ENAH: variants seen among roughly 807,000 people sequenced by gnomAD.
The protein encoded by ENAH is ENAH actin regulator.
In ENAH, 23 loss-of-function variants were observed where a neutral mutation model predicts 78.7. The ratio of observed to expected loss-of-function variants is 0.29; its 90% CI spans 0.21 to 0.41. ENAH has a LOEUF of 0.41. Ranked by LOEUF, ENAH falls within the 10% of genes least tolerant of loss-of-function variation. The probability of loss-of-function intolerance (pLI) is 1.00; values close to 1 mark genes in which losing one functional copy is unlikely to be tolerated. For missense variants in ENAH, 544 were observed against 691.0 expected, an observed-to-expected ratio of 0.79 and a Z score of 2.39; for synonymous variants, 226 against 241.0, an observed-to-expected ratio of 0.94 and a Z score of 0.58.
In ENAH at chr1:225,493,073, ATTTTAC is replaced by A. The variant is rs1341883932; in HGVS notation, c.*4696_*4701del. The A allele has an allele frequency of 6.6e-6, 1 of 152,106 alleles. No homozygotes were observed. The highest frequency in any genetic ancestry group is 1.5e-5 in the Non-Finnish European group (1 of 68,030). The allele number at this position is 152,106 out of a possible 1,614,324, so 9.4% of individuals were successfully genotyped here. On this transcript the variant is annotated 3_prime_UTR_variant, in exon 14 of 14. Transcript: ENST00000366843. ...ACCATCCTAAATTTACTGCATTAAT[ATTTTAC>A]TTTTCTTTCTAATCAATTTTAGGTT...
chr1:225,526,071 G>A (rs144136064), intron 4 of ENAH, among the ~76,000 whole-genome samples: 2,920 of 152,108 alleles, frequency 0.019, 44 homozygotes, highest in Non-Finnish European at 0.027. Flanking sequence ...GCCCTTCCCA[G>A]AAAAAGTTTG....
chr1:225,499,008 G>A (rs2096266104), intron 12 of ENAH, among the ~76,000 whole-genome samples: 1 of 152,136 alleles, frequency 6.6e-6, no homozygotes, highest in African/African-American at 2.4e-5. Flanking sequence ...CTGAGCCCCT[G>A]AAATGAGGCT....
In ENAH at chr1:225,486,977, T is replaced by C. The variant is rs2096203728; in HGVS notation, c.*10798A>G. On this transcript the variant is annotated 3_prime_UTR_variant, in exon 14 of 14. Transcript: ENST00000366843. ...CGATTTCAACGATGTGGCCACTTAA[T>C]GCAAACACAGGGGTCTGATGCTGCA... 6.5e-6 allele frequency: 1 copy of C among 152,682 alleles called. No individual in the cohort carries two copies. Among genetic ancestry groups the C allele is most frequent in the African/African-American group, 2.4e-5 (1 of 41,470 alleles). 9.5% of individuals were successfully genotyped at this position (152,682 alleles called of 1,614,324 possible).
chr1:225,616,582 T>C (rs1344665996), intron 1 of ENAH, among the ~76,000 whole-genome samples: 1 of 152,056 alleles, frequency 6.6e-6, no homozygotes, highest in Non-Finnish European at 1.5e-5. Flanking sequence ...TTTATAATTA[T>C]ATATTGCATC....
At position 225,537,372 on chromosome 1, in the gene ENAH, C is replaced by T. The variant is rs1456228822; in HGVS notation, c.350-6734G>A. 2.0e-5 allele frequency among the ~76,000 whole-genome samples: 3 copies of T among 152,170 alleles called. No homozygotes were observed. The East Asian group carries it at 5.8e-4, about 29-fold the overall frequency. ...ACATTCTTCACTTGGTATCTTTAAG[C>T]ATCTTCTTTCCACTGACTTTAATTT... On this transcript the variant is annotated intron_variant, in intron 3 of 13. Transcript: ENST00000366843.
At chr1:225,609,353 T>G (rs2096974990) in intron 1 of ENAH, among the ~76,000 whole-genome samples, 2 of 151,212 alleles carry the variant, frequency 1.3e-5, no homozygotes, top group Non-Finnish European at 2.9e-5. Flanking sequence ...AAAAAAAAAG[T>G]AACCATATTA....
intron 4 of ENAH, among the ~76,000 whole-genome samples, chr1:225,521,310 A>G (rs569911435): frequency 6.6e-6 from 1 of 152,280 alleles, no homozygotes; most frequent in African/African-American, 2.4e-5. Flanking sequence ...GATTTTTGAT[A>G]CATGGTTCCA....
rs1250633938 is a variant in ENAH, at chr1:225,490,438, T to G, written c.*7337A>C. 1 of 152,092 alleles carries G rather than the reference T, an allele frequency of 6.6e-6. No individual in the cohort carries two copies. Among genetic ancestry groups the G allele is most frequent in the Non-Finnish European group, 1.5e-5 (1 of 68,058 alleles). The allele number at this position is 152,092 out of a possible 1,614,324, so 9.4% of individuals were successfully genotyped here. A position where few individuals can be genotyped will look rare whatever the true frequency, so the allele number is the denominator to read the frequency against. ...AAATACAAAAATTAGTCGGGCATGG[T>G]GGCACGCGCCTGTAGTCCCAGCTAC... is the stretch of plus-strand genomic sequence containing the variant. On this transcript the variant is annotated 3_prime_UTR_variant, in exon 14 of 14. Transcript: ENST00000366843.
chr1:225,569,481 A>C (rs545204261), intron 1 of ENAH, among the ~76,000 whole-genome samples: 225 of 152,314 alleles, frequency 1.5e-3, no homozygotes, highest in Non-Finnish European at 2.4e-3. Context: ...TAAATAAATA[A>C]AATAAAATCA....
intron 3 of ENAH, among the ~76,000 whole-genome samples, chr1:225,542,777 T>C (rs2096595835): frequency 1.3e-5 from 2 of 152,148 alleles, no homozygotes; most frequent in South Asian, 4.2e-4. Context: ...TCCCAACACT[T>C]TGGGAGACTG....
chr1:225,536,926 C>T (rs76836830), intron 3 of ENAH, among the ~76,000 whole-genome samples: 6,784 of 152,062 alleles, frequency 0.045, 232 homozygotes, highest in South Asian at 0.11. Context: ...CAGGCGTACA[C>T]ATAAAATGTC....
intron 1 of ENAH, among the ~76,000 whole-genome samples, chr1:225,624,040 T>C (rs1180751707): frequency 4.6e-5 from 7 of 152,234 alleles, no homozygotes; most frequent in African/African-American, 1.7e-4. Flanking sequence ...TTTGTTTCTA[T>C]ATTAATTTGC....
chr1:225,615,953 G>C (rs1307855125), intron 1 of ENAH, among the ~76,000 whole-genome samples: 1 of 152,230 alleles, frequency 6.6e-6, no homozygotes, highest in Non-Finnish European at 1.5e-5. Flanking sequence ...GAAAGAAGCA[G>C]ACATAGGAGA....
rs1255054020 is a variant in ENAH, at chr1:225,494,883, T to C, written c.*2892A>G. On this transcript the variant is annotated 3_prime_UTR_variant, in exon 14 of 14. Coordinates refer to ENST00000366843, the MANE Select transcript of ENAH (RefSeq NM_018212.6). ...GTGTAGGAAACTTAAATGAAACAAA[T>C]TTAAACGAAATAGTTACGGTAAAAA... The C allele has an allele frequency of 6.6e-6, 1 of 152,558 alleles. No individual in the cohort carries two copies. The highest frequency in any genetic ancestry group is 2.4e-5 in the African/African-American group (1 of 41,416). 9.5% of individuals were successfully genotyped at this position (152,558 alleles called of 1,614,324 possible). A position where few individuals can be genotyped will look rare whatever the true frequency, so the allele number is the denominator to read the frequency against.
Position 225,498,339 on chromosome 1 carries a change from A to T in ENAH, c.1675+8T>A, listed in dbSNP as rs754192883. 13 of 1,587,628 alleles carry T rather than the reference A, an allele frequency of 8.2e-6. No individual in the cohort carries two copies. Among genetic ancestry groups the T allele is most frequent in the Non-Finnish European group, 1.1e-5 (13 of 1,162,084 alleles). On this transcript the variant is annotated splice_region_variant and intron_variant, in intron 13 of 13. Transcript: ENST00000366843. Reference sequence around the variant, plus strand: ...TTATAGGAATAGTAAATTTGTCCAGACACTTACCATCAATGAGCTCTTCTT... The same window carrying T: ...TTATAGGAATAGTAAATTTGTCCAGTCACTTACCATCAATGAGCTCTTCTT...
rs962947760 is a variant in ENAH, at chr1:225,494,942, C to T, written c.*2833G>A. On this transcript the variant is annotated 3_prime_UTR_variant, in exon 14 of 14. Transcript: ENST00000366843. ...AACTGAAAATTCTAAAAAGGAAGTACACCTAAAAGCATGAGAATTCAACAT... is the reference window on the plus strand; with the variant it reads ...AACTGAAAATTCTAAAAAGGAAGTATACCTAAAAGCATGAGAATTCAACAT... 6.6e-6 allele frequency: 1 copy of T among 152,574 alleles called. No homozygotes were observed. Among genetic ancestry groups the T allele is most frequent in the South Asian group, 2.1e-4 (1 of 4,836 alleles). 9.5% of individuals were successfully genotyped at this position (152,574 alleles called of 1,614,324 possible).
At chr1:225,539,715 G>C (rs999371913) in intron 3 of ENAH, among the ~76,000 whole-genome samples, 10 of 152,102 alleles carry the variant, frequency 6.6e-5, no homozygotes, top group Admixed American at 5.9e-4. Flanking sequence ...TTGCTCTCTA[G>C]GCTCTAGGTA....
At chr1:225,541,449 A>C (rs1380532388) in intron 3 of ENAH, among the ~76,000 whole-genome samples, 1 of 152,126 alleles carries the variant, frequency 6.6e-6, no homozygotes, top group Non-Finnish European at 1.5e-5. Context: ...ACAAAAAAAA[A>C]ACCCAAAATG....
At position 225,496,252 on chromosome 1, in the gene ENAH, T is replaced by C. The variant is rs1465152600; in HGVS notation, c.*1523A>G. 1 of 152,256 alleles carries C rather than the reference T, an allele frequency of 6.6e-6. No individual in the cohort carries two copies. The highest frequency in any genetic ancestry group is 1.9e-4 in the East Asian group (1 of 5,196). 9.4% of individuals were successfully genotyped at this position (152,256 alleles called of 1,614,324 possible). ...CAGTTTCAAAGGAAAGAAAAGGGAG[T>C]GGCTTCCATATAGACAGCACGTGCG... On this transcript the variant is annotated 3_prime_UTR_variant, in exon 14 of 14. Coordinates refer to ENST00000366843, the MANE Select transcript of ENAH (RefSeq NM_018212.6).
Sources: allele counts gnomAD v4.1 joint callset (sites outside exome capture counted in the v4.1 genomes callset), GRCh38; gene constraint gnomAD v4.1.1; transcripts MANE v1.5; gene names NCBI Gene and HGNC (gene_info 2026-07-23, HGNC 2026-07-21).